The following PDCD1LG2 variants were observed in gnomAD, a reference collection of about 807,000 sequenced individuals.
The protein encoded by PDCD1LG2 is programmed cell death 1 ligand 2.
A neutral mutation model predicts 28.2 loss-of-function variants in PDCD1LG2; 32 were observed. That is an observed-to-expected ratio of 1.13 (90% CI 0.86 to 1.52). The LOEUF (loss-of-function observed/expected upper bound fraction) is 1.52, where lower values mean the gene tolerates loss of function less well. Ranked by LOEUF, PDCD1LG2 falls within the 40% of genes most tolerant of loss-of-function variation. The probability of loss-of-function intolerance (pLI) is 0.00; values close to 1 mark genes in which losing one functional copy is unlikely to be tolerated. For synonymous variants in PDCD1LG2, 116 were observed against 120.2 expected (o/e 0.97, Z 0.23); for missense variants, 385 against 323.8 (o/e 1.19, Z -1.45).
At chr9:5,537,525 T>C (rs933344003) in intron 3 of PDCD1LG2, among the ~76,000 whole-genome samples, 1 of 152,218 alleles carries the variant, frequency 6.6e-6, no homozygotes, top group African/African-American at 2.4e-5. Flanking sequence ...GTGGCACGTA[T>C]ACACCATAGA....
At chr9:5,554,739 GC>G (rs1399629633) in intron 4 of PDCD1LG2, among the ~76,000 whole-genome samples, 1 of 152,224 alleles carries the variant, frequency 6.6e-6, no homozygotes, top group African/African-American at 2.4e-5. Flanking sequence ...CCCTTGTAGG[GC>G]TGGCAGAAAA....
At chr9:5,549,222 T>C (rs1816273739) in intron 3 of PDCD1LG2, 113 bp from the exon 4 acceptor site, 1 of 999,474 alleles carries the variant, frequency 1.0e-6, no homozygotes, top group Admixed American at 2.3e-5. Flanking sequence ...ATGATAACCA[T>C]TATTACTTAA....
chr9:5,521,740 T>C (rs551855698), intron 1 of PDCD1LG2, among the ~76,000 whole-genome samples: 1 of 152,340 alleles, frequency 6.6e-6, no homozygotes, highest in East Asian at 1.9e-4. Context: ...TTTAGATGTA[T>C]GGCTCCAACA....
chr9:5,515,427 G>T (rs1397611685), intron 1 of PDCD1LG2, among the ~76,000 whole-genome samples: 1 of 152,156 alleles, frequency 6.6e-6, no homozygotes, highest in East Asian at 1.9e-4. Flanking sequence ...CTGAATTCTT[G>T]TCCCTTGTCC....
intron 1 of PDCD1LG2, among the ~76,000 whole-genome samples, chr9:5,516,404 T>C (rs1820164963): frequency 6.6e-6 from 1 of 152,062 alleles, no homozygotes; most frequent in Non-Finnish European, 1.5e-5. Flanking sequence ...GATTGGCCCA[T>C]GGGCAGCCAT....
rs77416540 is a variant in PDCD1LG2, at chr9:5,514,869, G to A, written c.-15+4066G>A. On this transcript the variant is annotated intron_variant, in intron 1 of 6. Coordinates refer to ENST00000397747, the MANE Select transcript of PDCD1LG2 (RefSeq NM_025239.4). ...AAGAAATATCCTGAGAGGCGCAATCGTTCTGCAGACATTTGCTTGGGAAGC... is the reference window on the plus strand; with the variant it reads ...AAGAAATATCCTGAGAGGCGCAATCATTCTGCAGACATTTGCTTGGGAAGC... Among the ~76,000 whole-genome samples, 465 of 151,826 alleles carry A rather than the reference G, an allele frequency of 3.1e-3. 2 individuals carry two copies. Among genetic ancestry groups the A allele is most frequent in the African/African-American group, 0.011 (451 of 41,408 alleles).
intron 3 of PDCD1LG2, among the ~76,000 whole-genome samples, chr9:5,538,342 AT>A (rs1343833897): frequency 2.0e-5 from 3 of 150,952 alleles, no homozygotes; most frequent in Non-Finnish European, 4.4e-5. Flanking sequence ...AGATGCATAT[AT>A]TTTTTTTCTT....
Position 5,549,614 on chromosome 9 carries a change from GC to G in PDCD1LG2, c.631+15del. The G allele has an allele frequency of 1.9e-6, 3 of 1,613,868 alleles. No individual in the cohort carries two copies. Among genetic ancestry groups the G allele is most frequent in the Non-Finnish European group, 1.7e-6 (2 of 1,179,804 alleles). Reference sequence around the variant, plus strand: ...AGCATTGACCTTCAAAGTAAGAGCTGCCCCCACTTCCTAGGTCTATCAGTTA... The same window carrying G: ...AGCATTGACCTTCAAAGTAAGAGCTGCCCCACTTCCTAGGTCTATCAGTTA... On this transcript the variant is annotated intron_variant, in intron 4 of 6. Coordinates refer to ENST00000397747, the MANE Select transcript of PDCD1LG2 (RefSeq NM_025239.4).
At chr9:5,513,288 C>G (rs1466637476) in intron 1 of PDCD1LG2, among the ~76,000 whole-genome samples, 1 of 152,244 alleles carries the variant, frequency 6.6e-6, no homozygotes, top group Admixed American at 6.5e-5. Context: ...CAGCTATGCA[C>G]TGCCCTTTAG....
At chr9:5,532,311 A>G (rs570618802) in intron 2 of PDCD1LG2, among the ~76,000 whole-genome samples, 3 of 152,352 alleles carry the variant, frequency 2.0e-5, no homozygotes, top group Admixed American at 2.0e-4. Flanking sequence ...AGCCATGGTT[A>G]AAACAGGGAT....
intron 2 of PDCD1LG2, among the ~76,000 whole-genome samples, chr9:5,527,113 A>G (rs1820394495): frequency 6.6e-6 from 1 of 152,236 alleles, no homozygotes; most frequent in Non-Finnish European, 1.5e-5. Context: ...AAATTAGGGT[A>G]AAACATTTTA....
At chr9:5,538,452 A>G (rs185477701) in intron 3 of PDCD1LG2, among the ~76,000 whole-genome samples, 74 of 151,550 alleles carry the variant, frequency 4.9e-4, no homozygotes, top group African/African-American at 1.6e-3. Flanking sequence ...TTGGGAGGCC[A>G]AGGCGGGTGG....
At chr9:5,551,955 C>A (rs1816343731) in intron 4 of PDCD1LG2, among the ~76,000 whole-genome samples, 1 of 152,154 alleles carries the variant, frequency 6.6e-6, no homozygotes, top group Non-Finnish European at 1.5e-5. Context: ...GATCCCAAGC[C>A]ACAGTTGATA....
At chr9:5,516,174 C>T (rs1231937929) in intron 1 of PDCD1LG2, among the ~76,000 whole-genome samples, 2 of 151,994 alleles carry the variant, frequency 1.3e-5, no homozygotes, top group African/African-American at 2.4e-5. Flanking sequence ...GCTTCAGCCT[C>T]CCGAGTAGCT....
Position 5,549,096 on chromosome 9 carries a change from A to G in PDCD1LG2, c.362-239A>G, listed in dbSNP as rs529951607. Reference sequence around the variant, plus strand: ...ACACTCAACTTCTCTATCTTCAGTAACCGTCCACAAGAATTGGGAATATCA... The same window carrying G: ...ACACTCAACTTCTCTATCTTCAGTAGCCGTCCACAAGAATTGGGAATATCA... On this transcript the variant is annotated intron_variant, in intron 3 of 6. Coordinates refer to ENST00000397747, the MANE Select transcript of PDCD1LG2 (RefSeq NM_025239.4). Among the ~76,000 whole-genome samples the G allele has an allele frequency of 2.7e-4, 41 of 152,328 alleles. No individual in the cohort carries two copies. In the Middle Eastern group the frequency reaches 0.01, roughly 38 times the overall value.
At chr9:5,553,506 CAG>C (rs750727938) in intron 4 of PDCD1LG2, among the ~76,000 whole-genome samples, 1 of 152,160 alleles carries the variant, frequency 6.6e-6, no homozygotes, top group African/African-American at 2.4e-5. Flanking sequence ...TCCAGGGAAA[CAG>C]GGGCCTGTAT....
In PDCD1LG2 at chr9:5,570,882, C is replaced by A; in HGVS notation, c.*923C>A. ...CTCAGTTTGCACATCTGTAATACAG[C>A]AATGCTAAGTAGTCAAGGCCTTTGA... On this transcript the variant is annotated 3_prime_UTR_variant, in exon 7 of 7. Transcript: ENST00000397747. 1 of 232,786 alleles carries A rather than the reference C, an allele frequency of 4.3e-6. No individual in the cohort carries two copies. The allele number at this position is 232,786 out of a possible 1,614,324, so 14.4% of individuals were successfully genotyped here.
intron 2 of PDCD1LG2, among the ~76,000 whole-genome samples, chr9:5,530,780 A>T (rs991215229): frequency 6.6e-6 from 1 of 152,228 alleles, no homozygotes; most frequent in Non-Finnish European, 1.5e-5. Context: ...ATCAACTATT[A>T]CGCTACTTCC....
chr9:5,530,015 G>A (rs1820452487), intron 2 of PDCD1LG2, among the ~76,000 whole-genome samples: 1 of 151,122 alleles, frequency 6.6e-6, no homozygotes. Flanking sequence ...ACATTACGTG[G>A]CAAGTCTGAA....
Sources: gnomAD v4.1 joint callset for allele counts (sites outside exome capture counted in the v4.1 genomes callset) on GRCh38, gnomAD v4.1.1 for gene constraint, MANE v1.5 for transcripts, NCBI Gene and HGNC (gene_info 2026-07-23, HGNC 2026-07-21) for gene names.